Variants in TOM1L2 observed in about 807,000 individuals in gnomAD.
The protein encoded by TOM1L2 is target of myb1 like 2 membrane trafficking protein, also known as TOM1-like protein 2.
Under a neutral mutation model 67.9 loss-of-function variants are expected in TOM1L2, and 31 were observed. The observed-to-expected ratio is 0.46, with a 90% CI of 0.34 to 0.62. The LOEUF (loss-of-function observed/expected upper bound fraction) is 0.62. TOM1L2 is among the 20% of genes least tolerant of loss of function. The pLI is 0.01. For synonymous variants in TOM1L2, 256 were observed against 254.0 expected (o/e 1.01, Z -0.07); for missense variants, 606 against 663.5 (o/e 0.91, Z 0.95).
chr17:17,954,634 G>A (rs946554209), intron 1 of TOM1L2, among the ~76,000 whole-genome samples: 13 of 152,150 alleles, frequency 8.5e-5, no homozygotes, highest in Non-Finnish European at 2.9e-5. Context: ...TCATTCTAAA[G>A]GAGATGGGGA....
chr17:17,937,775 A>G (rs1464524962), intron 1 of TOM1L2, among the ~76,000 whole-genome samples: 1 of 152,226 alleles, frequency 6.6e-6, no homozygotes, highest in Non-Finnish European at 1.5e-5. Context: ...CTCATGCAAG[A>G]GCATAACAAA....
chr17:17,871,937 T>G, intron 7 of TOM1L2: 1 of 972,422 alleles, frequency 1.0e-6, no homozygotes, highest in Non-Finnish European at 1.2e-6. Flanking sequence ...TACTATCCAG[T>G]AAAGAGAAAA....
intron 6 of TOM1L2, among the ~76,000 whole-genome samples, chr17:17,882,358 C>T (rs575816616): frequency 2.0e-5 from 3 of 152,374 alleles, no homozygotes; most frequent in East Asian, 1.9e-4. Flanking sequence ...GAGAGAGCAG[C>T]GTCTGCATCT....
chr17:17,905,250 C>T (rs2039039703), intron 2 of TOM1L2, among the ~76,000 whole-genome samples: 2 of 152,188 alleles, frequency 1.3e-5, no homozygotes, highest in African/African-American at 4.8e-5. Flanking sequence ...AGGCCACTGC[C>T]CCCAACTCAA....
chr17:17,949,731 G>A (rs1157134818), intron 1 of TOM1L2, among the ~76,000 whole-genome samples: 2 of 152,242 alleles, frequency 1.3e-5, no homozygotes, highest in African/African-American at 4.8e-5. Flanking sequence ...AAGGTGCACA[G>A]TCCAGTGGCC....
intron 12 of TOM1L2, 94 bp downstream of exon 12, chr17:17,861,382 G>T: frequency 7.9e-7 from 1 of 1,258,728 alleles, no homozygotes; most frequent in East Asian, 2.3e-5. Flanking sequence ...CCCTGTGCAA[G>T]CCAGTTTCTG....
intron 1 of TOM1L2, among the ~76,000 whole-genome samples, chr17:17,933,003 C>T (rs991712902): frequency 2.0e-5 from 3 of 152,076 alleles, no homozygotes; most frequent in Non-Finnish European, 4.4e-5. Context: ...CATTCAGCTG[C>T]AAGCAATTAA....
At chr17:17,967,045 T>C (rs1342502404) in intron 1 of TOM1L2, among the ~76,000 whole-genome samples, 1 of 152,198 alleles carries the variant, frequency 6.6e-6, no homozygotes, top group Non-Finnish European at 1.5e-5. Context: ...TACTCCTTAA[T>C]AAACTCCCCT....
intron 1 of TOM1L2, among the ~76,000 whole-genome samples, chr17:17,944,684 AAAC>A (rs1465600028): frequency 1.3e-5 from 2 of 152,226 alleles, no homozygotes; most frequent in African/African-American, 4.8e-5. Context: ...ACATAGTATA[AAAC>A]CAACGTCTCC....
intron 1 of TOM1L2, among the ~76,000 whole-genome samples, chr17:17,932,056 G>A (rs1389215222): frequency 6.6e-6 from 1 of 152,116 alleles, no homozygotes; most frequent in Non-Finnish European, 1.5e-5. Context: ...GGTACAACAT[G>A]AATATTGTGA....
intron 1 of TOM1L2, among the ~76,000 whole-genome samples, chr17:17,923,217 A>T (rs1393452779): frequency 6.6e-6 from 1 of 152,076 alleles, no homozygotes; most frequent in Admixed American, 6.6e-5. Flanking sequence ...GGCCAACTTG[A>T]TGAAATCCTG....
At chr17:17,951,300 AT>A (rs2041197996) in intron 1 of TOM1L2, among the ~76,000 whole-genome samples, 1 of 152,156 alleles carries the variant, frequency 6.6e-6, no homozygotes, top group Non-Finnish European at 1.5e-5. Context: ...CGTTCATAAG[AT>A]TTAGAGGAAA....
chr17:17,954,103 T>C (rs1598401928), intron 1 of TOM1L2, among the ~76,000 whole-genome samples: 1 of 152,180 alleles, frequency 6.6e-6, no homozygotes, highest in Non-Finnish European at 1.5e-5. Context: ...TTTGTGGCAG[T>C]GGGAAGATCT....
Position 17,848,792 on chromosome 17 carries a change from G to A in TOM1L2, c.1375+31C>T, listed in dbSNP as rs774249640. 31 of 1,613,398 alleles carry A rather than the reference G, an allele frequency of 1.9e-5. No individual in the cohort carries two copies. In the South Asian group the frequency reaches 3.3e-4, roughly 17 times the overall value. On this transcript the variant is annotated intron_variant, in intron 14 of 14. Coordinates refer to ENST00000379504, the MANE Select transcript of TOM1L2 (RefSeq NM_001082968.2). Reference sequence around the variant, plus strand: ...TGCAGCCTGCACAGAGGCAACAAAAGGGGGCTGTAAGGCCACTGGCCAGGC... The same window carrying A: ...TGCAGCCTGCACAGAGGCAACAAAAAGGGGCTGTAAGGCCACTGGCCAGGC...
chr17:17,856,400 C>T (rs961477826), intron 12 of TOM1L2, among the ~76,000 whole-genome samples: 8 of 152,396 alleles, frequency 5.2e-5, no homozygotes, highest in African/African-American at 1.9e-4. Context: ...TGGCAGGAGA[C>T]CTGCCCAGGC....
At chr17:17,912,618 T>C (rs2039437331) in intron 1 of TOM1L2, among the ~76,000 whole-genome samples, 1 of 144,002 alleles carries the variant, frequency 6.9e-6, no homozygotes, top group East Asian at 2.1e-4. Context: ...CTTCACTTCC[T>C]AGATGGGATG....
In TOM1L2 at chr17:17,882,667, T is replaced by A. The variant is rs749543208; in HGVS notation, c.660+38A>T. On this transcript the variant is annotated intron_variant, in intron 6 of 14. Coordinates refer to ENST00000379504, the MANE Select transcript of TOM1L2 (RefSeq NM_001082968.2). ...CTCCCAGAAAGATGAAAAAGGATAG[T>A]CAGCTGGCTTGCCTATGGCCCCGAA... 3.7e-6 allele frequency: 6 copies of A among 1,604,270 alleles called. No individual in the cohort carries two copies. In the Admixed American group the frequency reaches 8.4e-5, roughly 22 times the overall value.
At chr17:17,957,760 C>G (rs1054166723) in intron 1 of TOM1L2, among the ~76,000 whole-genome samples, 1 of 151,972 alleles carries the variant, frequency 6.6e-6, no homozygotes, top group Non-Finnish European at 1.5e-5. Context: ...CGTACACACA[C>G]ATATGATTCA....
chr17:17,950,015 C>T (rs921936416), intron 1 of TOM1L2, among the ~76,000 whole-genome samples: 1 of 151,798 alleles, frequency 6.6e-6, no homozygotes, highest in Non-Finnish European at 1.5e-5. Context: ...GGACTACAGG[C>T]GCCCACCACC....
Sources: allele counts gnomAD v4.1 joint callset (sites outside exome capture counted in the v4.1 genomes callset), GRCh38; gene constraint gnomAD v4.1.1; transcripts MANE v1.5; gene names NCBI Gene and HGNC (gene_info 2026-07-23, HGNC 2026-07-21).